Variants in NLRP13 observed in about 807,000 individuals in gnomAD.
NLRP13 encodes NLR family pyrin domain containing 13, also known as NACHT, LRR and PYD domains-containing protein 13.
In NLRP13, 82 loss-of-function variants were observed where a neutral mutation model predicts 94.4. The ratio of observed to expected loss-of-function variants is 0.87; its 90% CI spans 0.73 to 1.04. The LOEUF (loss-of-function observed/expected upper bound fraction) is 1.04. Among genes scored for constraint, NLRP13 ranks in the 50% least tolerant of loss-of-function variants. The probability of loss-of-function intolerance (pLI) is 0.00; values close to 1 mark genes in which losing one functional copy is unlikely to be tolerated. For synonymous variants in NLRP13, 553 were observed against 464.7 expected (o/e 1.19, Z -2.45); for missense variants, 1,426 against 1,230.8 (o/e 1.16, Z -2.37).
chr19:55,926,266 C>G (rs949277350), intron 1 of NLRP13, among the ~76,000 whole-genome samples: 1 of 152,200 alleles, frequency 6.6e-6, no homozygotes, highest in African/African-American at 2.4e-5. Flanking sequence ...GACCACCTGT[C>G]AGAAAAGCCA....
chr19:55,922,838 T>A (rs1986865992), intron 4 of NLRP13, among the ~76,000 whole-genome samples: 1 of 152,216 alleles, frequency 6.6e-6, no homozygotes, highest in Non-Finnish European at 1.5e-5. Context: ...AGTCAGTAGA[T>A]AACCGATTGG....
At position 55,932,324 on chromosome 19, in the gene NLRP13, A is replaced by G; in HGVS notation, c.-13T>C. ...CAGAAAAGTTCATCTTGCCCAACAC[A>G]TGCAGTTTCTCACTTCAGCAAAGGA... On this transcript the variant is annotated 5_prime_UTR_variant, in exon 1 of 11. It removes an upstream start codon present in the reference 5' UTR. Transcript: ENST00000342929. 2 of 1,594,980 alleles carry G rather than the reference A, an allele frequency of 1.3e-6. No individual in the cohort carries two copies. The highest frequency in any genetic ancestry group is 1.7e-6 in the Non-Finnish European group (2 of 1,175,518).
chr19:55,930,874 T>TTTTATATATATATATATATATA (rs55900335), intron 1 of NLRP13, among the ~76,000 whole-genome samples: 46 of 70,172 alleles, frequency 6.6e-4, no homozygotes, highest in African/African-American at 3.2e-3. Flanking sequence ...GAATCAGTGA[T>TTTTATATATATATATATATATA]TATATATATA....
In NLRP13 at chr19:55,913,074, G is replaced by A. The variant is rs1168368538; in HGVS notation, c.743C>T (p.Ala248Val). 6.2e-7 allele frequency: 1 copy of A among 1,614,050 alleles called. No homozygotes were observed. The highest frequency in any genetic ancestry group is 1.3e-5 in the African/African-American group (1 of 74,910). The change falls in exon 5 of 11, where the codon GCT becomes GTT. Residue 248 changes from alanine (A) to valine (V), a missense_variant. Ala to Val is a moderately conservative substitution (Grantham distance 64). Transcript: ENST00000342929. ...GVGKTTLAMQ[A>V]MLHWANGVLF... The stretch of plus-strand genomic sequence containing the variant: ...AACTCCATTTGCCCAGTGCAGCATA[G>A]CCTGCATTGCCAAGGTGGTCTTCCC...
At chr19:55,897,129 A>T (rs1290818570) in intron 10 of NLRP13, among the ~76,000 whole-genome samples, 1 of 152,198 alleles carries the variant, frequency 6.6e-6, no homozygotes, top group East Asian at 1.9e-4. Context: ...ATTTGAACAT[A>T]GGGTTGGCTA....
chr19:55,895,338 G>A (rs151317514), downstream of NLRP13, among the ~76,000 whole-genome samples: 80 of 152,084 alleles, frequency 5.3e-4, 1 homozygote, highest in African/African-American at 1.5e-3. Context: ...CTGAGATTGC[G>A]CCACTGCACT....
At chr19:55,901,065 T>C (rs1263678735) in intron 9 of NLRP13, among the ~76,000 whole-genome samples, 2 of 152,180 alleles carry the variant, frequency 1.3e-5, no homozygotes, top group Admixed American at 1.3e-4. Flanking sequence ...TGGGCTGCCC[T>C]GGTAGACCAC....
At chr19:55,920,543 T>TA (rs57159987) in intron 4 of NLRP13, among the ~76,000 whole-genome samples, 10,790 of 148,386 alleles carry the variant, frequency 0.073, 401 homozygotes, top group Middle Eastern at 0.11. Flanking sequence ...AAGAAACATG[T>TA]AAAAAAAAAA....
chr19:55,908,273 TA>T (rs1986411034), intron 6 of NLRP13, among the ~76,000 whole-genome samples: 1 of 152,154 alleles, frequency 6.6e-6, no homozygotes, highest in Non-Finnish European at 1.5e-5. Flanking sequence ...CCCCCCCATA[TA>T]CACATACAAT....
chr19:55,913,360 C>A, intron 4 of NLRP13, 67 bp from the exon 5 acceptor site: 1 of 1,494,770 alleles, frequency 6.7e-7, no homozygotes, highest in South Asian at 1.3e-5. Flanking sequence ...GATTCAGTTA[C>A]AAAGTTCCTA....
intron 4 of NLRP13, among the ~76,000 whole-genome samples, chr19:55,913,686 C>T (rs951396466): frequency 1.3e-5 from 2 of 151,618 alleles, no homozygotes; most frequent in Non-Finnish European, 2.9e-5. Flanking sequence ...GGGATCATAG[C>T]GAGAAGCCTC....
At chr19:55,914,977 T>C (rs1039375216) in intron 4 of NLRP13, among the ~76,000 whole-genome samples, 1 of 152,114 alleles carries the variant, frequency 6.6e-6, no homozygotes, top group Non-Finnish European at 1.5e-5. Flanking sequence ...TTCACTTATA[T>C]GTAGAATCTA....
downstream of NLRP13, among the ~76,000 whole-genome samples, chr19:55,894,311 G>T (rs1287047592): frequency 1.3e-5 from 2 of 152,084 alleles, no homozygotes; most frequent in East Asian, 1.9e-4. Context: ...CAAAGTGCTG[G>T]AATTATAGGC....
intron 8 of NLRP13, among the ~76,000 whole-genome samples, chr19:55,904,004 G>A (rs1194235969): frequency 6.6e-6 from 1 of 152,144 alleles, no homozygotes; most frequent in Non-Finnish European, 1.5e-5. Context: ...ACACAGCCCA[G>A]CATATCCCAG....
intron 8 of NLRP13, among the ~76,000 whole-genome samples, chr19:55,902,467 A>T (rs1028991633): frequency 6.6e-6 from 1 of 152,276 alleles, no homozygotes; most frequent in East Asian, 1.9e-4. Context: ...TAAAGAAAAA[A>T]AAAACTTTCA....
chr19:55,897,138 T>C (rs191313799), intron 10 of NLRP13, among the ~76,000 whole-genome samples: 5 of 152,172 alleles, frequency 3.3e-5, no homozygotes, highest in African/African-American at 1.2e-4. Flanking sequence ...TAGGGTTGGC[T>C]AGCTACTAGA....
intron 4 of NLRP13, among the ~76,000 whole-genome samples, chr19:55,920,263 C>T (rs1294398481): frequency 6.6e-6 from 1 of 151,976 alleles, no homozygotes; most frequent in Non-Finnish European, 1.5e-5. Context: ...CTGGACATTG[C>T]CTTGGCAAAG....
intron 6 of NLRP13, among the ~76,000 whole-genome samples, chr19:55,909,364 C>G (rs1207955346): frequency 6.6e-6 from 1 of 152,170 alleles, no homozygotes; most frequent in Non-Finnish European, 1.5e-5. Flanking sequence ...CCCTGCTCAC[C>G]TTTATTTTAA....
downstream of NLRP13, among the ~76,000 whole-genome samples, chr19:55,894,520 T>C (rs1393835789): frequency 6.6e-6 from 1 of 152,188 alleles, no homozygotes; most frequent in African/African-American, 2.4e-5. Flanking sequence ...TCACCTCTCA[T>C]GTTCCCTTCC....
Sources: gnomAD v4.1 joint callset for allele counts (sites outside exome capture counted in the v4.1 genomes callset) on GRCh38, gnomAD v4.1.1 for gene constraint, MANE v1.5 for transcripts, NCBI Gene and HGNC (gene_info 2026-07-23, HGNC 2026-07-21) for gene names.